DDX24: variants seen among roughly 807,000 people sequenced by gnomAD.
DDX24 encodes ATP-dependent RNA helicase DDX24.
DDX24 carries 24 observed loss-of-function variants against 68.9 expected under a neutral mutation model. The observed-to-expected ratio is 0.35, with a 90% CI of 0.25 to 0.49. DDX24 has a LOEUF of 0.49. DDX24 is among the 20% of genes least tolerant of loss of function. The pLI is 0.99. For missense variants in DDX24, 989 were observed against 1,039.0 expected, an observed-to-expected ratio of 0.95 and a Z score of 0.66; for synonymous variants, 395 against 385.2, an observed-to-expected ratio of 1.03 and a Z score of -0.30.
At chr14:94,054,063 G>C (rs1885446080) in intron 7 of DDX24, among the ~76,000 whole-genome samples, 1 of 152,170 alleles carries the variant, frequency 6.6e-6, no homozygotes, top group Non-Finnish European at 1.5e-5. Flanking sequence ...TAACCAAAGT[G>C]AAGTCTTTAC....
chr14:94,070,393 C>A lies in DDX24; in HGVS notation c.719-7772G>T, dbSNP rs933234649. On this transcript the variant is annotated intron_variant, in intron 2 of 8. Coordinates refer to ENST00000621632, the MANE Select transcript of DDX24 (RefSeq NM_020414.4). ...GAAACAAATGGAAACACATCCCACG[C>A]TCATGGATGGGTAAAATCAATATTG... Among the ~76,000 whole-genome samples the A allele has an allele frequency of 2.0e-5, 3 of 152,168 alleles. No homozygotes were observed. In the South Asian group the frequency reaches 6.2e-4, roughly 32 times the overall value.
chr14:94,060,040 C>T, intron 5 of DDX24, 58 bp downstream of exon 5: 1 of 1,531,512 alleles, frequency 6.5e-7, no homozygotes. Context: ...ACCATCCTGA[C>T]CCCTTTTACC....
intron 3 of DDX24, 48 bp downstream of exon 3, chr14:94,062,049 A>G: frequency 1.9e-6 from 3 of 1,539,656 alleles, no homozygotes; most frequent in Non-Finnish European, 2.6e-6. Context: ...ACCAACGAGC[A>G]TTTGGGATTT....
intron 2 of DDX24, among the ~76,000 whole-genome samples, chr14:94,068,487 T>G (rs1481924811): frequency 6.6e-6 from 1 of 152,150 alleles, no homozygotes; most frequent in Non-Finnish European, 1.5e-5. Flanking sequence ...AACAATCGAT[T>G]TAAACTATAC....
At chr14:94,054,862 G>A in intron 7 of DDX24, 134 bp downstream of exon 7, 1 of 1,026,416 alleles carries the variant, frequency 9.7e-7, no homozygotes, top group Non-Finnish European at 1.5e-6. Context: ...CTTTCTACAA[G>A]TCTCCTTGTT....
At position 94,051,065 on chromosome 14, in the gene DDX24, G is replaced by GT; in HGVS notation, c.*125dup. ...GCATGAGGTCTCTCCCGCTATGGGT[G>GT]TGAGTGGAAGAGAGGGAGACTTTTT... On this transcript the variant is annotated 3_prime_UTR_variant, in exon 9 of 9. Coordinates refer to ENST00000621632, the MANE Select transcript of DDX24 (RefSeq NM_020414.4). 8.9e-7 allele frequency: 1 copy of GT among 1,128,626 alleles called. No individual in the cohort carries two copies. The highest frequency in any genetic ancestry group is 1.2e-6 in the Non-Finnish European group (1 of 809,966). 69.9% of individuals were successfully genotyped at this position (1,128,626 alleles called of 1,614,324 possible). A position where few individuals can be genotyped will look rare whatever the true frequency, so the allele number is the denominator to read the frequency against.
Position 94,060,207 on chromosome 14 carries a change from G to A in DDX24, c.1804C>T (p.Arg602Cys), listed in dbSNP as rs781202567. Residue 602 changes from arginine (R) to cysteine (C), a missense_variant, in exon 5 of 9, where the codon CGC becomes TGC. Around this residue, in one of 3 missense-constraint regions of DDX24, gnomAD observed 691 missense variants for 760.0 expected, o/e 0.91. Transcript: ENST00000621632. ...AGGACTTTGAGGAGCCCAGAGAGGC[G>A]TTTGATGCAGGAGATACTGTTGGCA... is the stretch of plus-strand genomic sequence containing the variant. ...VFANSISCIKRLSGLLKVLDI... is the reference protein window; with the variant it reads ...VFANSISCIKCLSGLLKVLDI... The A allele has an allele frequency of 4.3e-6, 7 of 1,614,076 alleles. No individual in the cohort carries two copies. The highest frequency in any genetic ancestry group is 4.0e-5 in the African/African-American group (3 of 74,930).
rs11418786 is a variant in DDX24 at position 94,049,732 on chromosome 14, TA to T, written c.*1458del. 25 of 146,828 alleles carry T rather than the reference TA, an allele frequency of 1.7e-4. No homozygotes were observed. The highest frequency in any genetic ancestry group is 2.0e-4 in the Admixed American group (3 of 14,828). 9.1% of individuals were successfully genotyped at this position (146,828 alleles called of 1,614,324 possible). The stretch of plus-strand genomic sequence containing the variant: ...CAACATAGTGAGACCCCATCTCTAC[TA>T]AAAAAAAAAAATTCAGCCAGGTGTG... On this transcript the variant is annotated 3_prime_UTR_variant, in exon 9 of 9. Transcript: ENST00000621632.
intron 4 of DDX24, 147 bp from the exon 5 acceptor site, chr14:94,060,760 C>A: frequency 6.9e-7 from 1 of 1,451,468 alleles, no homozygotes; most frequent in South Asian, 1.4e-5. Flanking sequence ...CAACTAATCT[C>A]CCTCATGCAC....
chr14:94,062,055 G>C, intron 3 of DDX24, 42 bp downstream of exon 3: 1 of 1,549,920 alleles, frequency 6.5e-7, no homozygotes, highest in Non-Finnish European at 8.7e-7. Context: ...GAGCATTTGG[G>C]ATTTACCTAG....
At chr14:94,069,137 GAA>G (rs1385415324) in intron 2 of DDX24, among the ~76,000 whole-genome samples, 6 of 152,136 alleles carry the variant, frequency 3.9e-5, no homozygotes, top group Non-Finnish European at 7.4e-5. Context: ...ACCAAGAAAA[GAA>G]GAGAGAAAAT....
chr14:94,074,683 T>C (rs560787303), intron 2 of DDX24, among the ~76,000 whole-genome samples: 1 of 152,128 alleles, frequency 6.6e-6, no homozygotes, highest in Non-Finnish European at 1.5e-5. Context: ...ACTTTACCAC[T>C]ACAATTCAAA....
At chr14:94,069,262 C>G (rs1339686338) in intron 2 of DDX24, among the ~76,000 whole-genome samples, 1 of 151,862 alleles carries the variant, frequency 6.6e-6, no homozygotes, top group East Asian at 1.9e-4. Flanking sequence ...ACTAGGAAAC[C>G]TAGAAAAGAT....
intron 2 of DDX24, among the ~76,000 whole-genome samples, chr14:94,070,481 T>C (rs1443092841): frequency 6.6e-6 from 1 of 152,096 alleles, no homozygotes; most frequent in Non-Finnish European, 1.5e-5. Flanking sequence ...AATACCACCA[T>C]CATTCTTCAC....
chr14:94,074,112 G>A (rs1054287182), intron 2 of DDX24, among the ~76,000 whole-genome samples: 5 of 151,550 alleles, frequency 3.3e-5, no homozygotes, highest in Admixed American at 3.3e-4. Context: ...TAAATTTGTA[G>A]TCAAAAATCT....
At chr14:94,076,405 G>A (rs562106836) in intron 2 of DDX24, among the ~76,000 whole-genome samples, 8 of 152,094 alleles carry the variant, frequency 5.3e-5, no homozygotes, top group South Asian at 2.1e-4. Flanking sequence ...AAATTAGGCC[G>A]GGGACAGTGG....
At chr14:94,055,434 C>A in intron 6 of DDX24, 1 of 492,440 alleles carries the variant, frequency 2.0e-6, no homozygotes, top group Non-Finnish European at 3.6e-6. Flanking sequence ...CAGGACCATG[C>A]AGCCAGACCA....
At position 94,051,477 on chromosome 14, in the gene DDX24, C is replaced by G. The variant is rs536201407; in HGVS notation, c.2309-15G>C. ...AGCTTTTCCTCCTTGAAACACAATA[C>G]AAAAACGATCCTATTTACTATGGTT... On this transcript the variant is annotated splice_polypyrimidine_tract_variant and intron_variant, in intron 8 of 8. Transcript: ENST00000621632. The G allele has an allele frequency of 2.0e-6, 3 of 1,519,298 alleles. No homozygotes were observed. The African/African-American group carries it at 4.2e-5, about 21-fold the overall frequency. The allele number at this position is 1,519,298 out of a possible 1,614,324, so 94.1% of individuals were successfully genotyped here. A position where few individuals can be genotyped will look rare whatever the true frequency, so the allele number is the denominator to read the frequency against.
intron 1 of DDX24, among the ~76,000 whole-genome samples, chr14:94,080,611 C>T (rs571194109): frequency 6.6e-6 from 1 of 151,930 alleles, no homozygotes; most frequent in South Asian, 2.1e-4. Context: ...AAAAGTGACG[C>T]ACGTCAAAAA....
Sources: gnomAD v4.1 joint callset for allele counts (sites outside exome capture counted in the v4.1 genomes callset) on GRCh38, gnomAD v4.1.1 for gene constraint, gnomAD v4.1.1 regional missense constraint, MANE v1.5 for transcripts, NCBI Gene and HGNC (gene_info 2026-07-23, HGNC 2026-07-21) for gene names.